The following SNED1 variants were observed in gnomAD, a reference collection of about 807,000 sequenced individuals.
The protein encoded by SNED1 is sushi, nidogen and EGF-like domain-containing protein 1.
SNED1 carries 81 observed loss-of-function variants against 166.7 expected under a neutral mutation model. The ratio of observed to expected loss-of-function variants is 0.49; its 90% confidence interval spans 0.41 to 0.58. SNED1 has a LOEUF of 0.58. Ranked by LOEUF, SNED1 falls within the 20% of genes least tolerant of loss-of-function variation. The pLI is 0.00. For synonymous variants in SNED1, 762 were observed against 822.0 expected (o/e 0.93, Z 1.25); for missense variants, 1,604 against 2,000.2 (o/e 0.80, Z 3.78).
chr2:241,071,396 AAGGGAACCC>A, intron 24 of SNED1, 171 bp from the exon 25 acceptor site: 1 of 671,418 alleles, frequency 1.5e-6, no homozygotes, highest in Non-Finnish European at 2.5e-6. Context: ...GGTGGGCTGG[AAGGGAACCC>A]AGGGCATCTG....
At position 241,064,774 on chromosome 2, in the gene SNED1, G is replaced by A. The variant is rs1202051407; in HGVS notation, c.2600-70G>A. 1.8e-6 allele frequency: 2 copies of A among 1,139,050 alleles called. No homozygotes were observed. The highest frequency in any genetic ancestry group is 2.5e-6 in the Non-Finnish European group (2 of 815,380). 70.6% of individuals were successfully genotyped at this position (1,139,050 alleles called of 1,614,324 possible). On this transcript the variant is annotated intron_variant, in intron 19 of 31. Coordinates refer to ENST00000310397, the MANE Select transcript of SNED1 (RefSeq NM_001080437.3). This position sits in a 1 kb window ranked among gnomAD's most constrained non-coding sequence, Gnocchi z 7.0. ...GCAGGAGGGACCCAGTGCCCCAGGA[G>A]CAAGGGCGGGGCTGGAGCAGGGACC...
In SNED1 at chr2:241,069,060, C is replaced by CTGGGGGG. The variant is rs1317385858; in HGVS notation, c.3307+37_3307+38insTGGGGGG. The CTGGGGGG allele has an allele frequency of 2.1e-6, 3 of 1,410,122 alleles. No homozygotes were observed. The highest frequency in any genetic ancestry group is 2.9e-6 in the Non-Finnish European group (3 of 1,028,628). The allele number at this position is 1,410,122 out of a possible 1,614,324, so 87.4% of individuals were successfully genotyped here. On this transcript the variant is annotated intron_variant, in intron 23 of 31. Transcript: ENST00000310397. The surrounding 1 kb of genome is among the most constrained non-coding windows in gnomAD (Gnocchi z 4.9). ...AGCGCGGCCCCCGGCACACGAAAGG[C>CTGGGGGG]CGTCTTCTAGAAGCTCTGGCTTCCT... is the stretch of plus-strand genomic sequence containing the variant.
At chr2:241,022,082 C>A (rs1269902137) in intron 1 of SNED1, among the ~76,000 whole-genome samples, 2 of 152,098 alleles carry the variant, frequency 1.3e-5, no homozygotes, top group Non-Finnish European at 2.9e-5. Context: ...CCTATTGAAG[C>A]TTTTATTATT....
In SNED1 at chr2:241,088,642, T is replaced by G. The variant is rs1387804538; in HGVS notation, c.*1+240T>G. ...ACACCTTCAGGTGGAAATGAGGCTC[T>G]CTGTGGATAGGGCAAATCCCACTCT... On this transcript the variant is annotated intron_variant, in intron 31 of 31. Transcript: ENST00000310397. The G allele has an allele frequency of 4.6e-5, 25 of 546,690 alleles. No homozygotes were observed. The East Asian group carries it at 7.2e-4, about 16-fold the overall frequency. 33.9% of individuals were successfully genotyped at this position (546,690 alleles called of 1,614,324 possible).
intron 8 of SNED1, 26 bp from the exon 9 acceptor site, chr2:241,048,289 G>T (rs775623529): frequency 1.9e-6 from 3 of 1,573,146 alleles, no homozygotes; most frequent in Non-Finnish European, 2.6e-6. Context: ...CTGCGTGGCC[G>T]CTGGTGACTG....
chr2:241,033,165 A>G (rs76841422), intron 2 of SNED1, among the ~76,000 whole-genome samples: 3,075 of 152,284 alleles, frequency 0.02, 102 homozygotes, highest in African/African-American at 0.064. Flanking sequence ...GTGTGGTGAA[A>G]GGCAGGACCC....
At chr2:241,089,298 G>A in intron 31 of SNED1, 2 of 1,549,636 alleles carry the variant, frequency 1.3e-6, no homozygotes, top group Non-Finnish European at 1.7e-6. Context: ...TCTTCCTGGT[G>A]GCGCAGATGA....
rs1158685346 is a variant in SNED1 at position 241,075,552 on chromosome 2, T to C, written c.3916+2188T>C. The C allele has an allele frequency of 1.3e-5, 2 of 152,146 alleles. No homozygotes were observed. The highest frequency in any genetic ancestry group is 4.8e-5 in the African/African-American group (2 of 41,446). 9.4% of individuals were successfully genotyped at this position (152,146 alleles called of 1,614,324 possible). A position where few individuals can be genotyped will look rare whatever the true frequency, so the allele number is the denominator to read the frequency against. On this transcript the variant is annotated intron_variant, in intron 27 of 31. Transcript: ENST00000310397. This position sits in a 1 kb window ranked among gnomAD's most constrained non-coding sequence, Gnocchi z 4.8. Reference sequence around the variant, plus strand: ...TCACGCCTTTTGACTTTATGTTGGGTTATTTGTACTCTTTTTATTCATTTG... The same window carrying C: ...TCACGCCTTTTGACTTTATGTTGGGCTATTTGTACTCTTTTTATTCATTTG...
rs3732228 is a variant in SNED1 at position 241,062,846 on chromosome 2, C to T, written c.2313C>T (p.Arg771=). Residue 771 remains arginine, a synonymous_variant, in exon 17 of 32, where the codon CGC becomes CGT. Transcript: ENST00000310397. ...PCLHGGSCQD[R]VAGYLCLCST... is the part of the protein sequence containing the mutation. ...TGCATGGGGGCTCTTGTCAGGACCG[C>T]GTTGCTGGGTACCTGTGCCTCTGCA... 58,310 of 1,611,536 alleles carry T rather than the reference C, an allele frequency of 0.036. 1,569 individuals are homozygous for T. Among genetic ancestry groups the T allele is most frequent in the East Asian group, 0.12 (5,335 of 44,836 alleles).
intron 1 of SNED1, among the ~76,000 whole-genome samples, chr2:241,009,180 C>T (rs2060310617): frequency 6.6e-6 from 1 of 152,204 alleles, no homozygotes; most frequent in Admixed American, 6.5e-5. Flanking sequence ...GTGACAGTGG[C>T]CCAGTGGCCA....
intron 8 of SNED1, among the ~76,000 whole-genome samples, chr2:241,042,651 A>G (rs1019840879): frequency 2.8e-5 from 4 of 143,588 alleles, no homozygotes; most frequent in Non-Finnish European, 4.7e-5. Flanking sequence ...TGTTGAGGGG[A>G]AAAAAACCTA....
At chr2:241,076,040 C>T (rs2063005066) in intron 27 of SNED1, among the ~76,000 whole-genome samples, 1 of 152,200 alleles carries the variant, frequency 6.6e-6, no homozygotes, top group Non-Finnish European at 1.5e-5. Flanking sequence ...CCTGTGTTCA[C>T]TCTAACTTTG....
chr2:241,086,096 AC>A (rs925479498), intron 29 of SNED1, among the ~76,000 whole-genome samples: 3 of 151,724 alleles, frequency 2.0e-5, no homozygotes, highest in African/African-American at 7.3e-5. Flanking sequence ...CAAACTCCTG[AC>A]CTCAAGTGAT....
chr2:241,070,067 C>G lies in SNED1; in HGVS notation c.3455C>G (p.Pro1152Arg). The G allele has an allele frequency of 6.2e-7, 1 of 1,613,112 alleles. No homozygotes were observed. The highest frequency in any genetic ancestry group is 8.5e-7 in the Non-Finnish European group (1 of 1,179,890). ...TSQSTKSRYVPNGKLASYTVR... is the reference protein window; with the variant it reads ...TSQSTKSRYVRNGKLASYTVR... ...CAGAGCACCAAGAGCCGCTATGTCC[C>G]CAACGGGAAGCTGGCGTCCTACACG... is the stretch of plus-strand genomic sequence containing the variant. Residue 1152 changes from proline (P) to arginine (R), a missense_variant, in exon 24 of 32, where the codon CCC becomes CGC. Physicochemically the swap from Pro to Arg is moderately radical, Grantham distance 103 (BLOSUM62 -2). This residue lies in a region of SNED1 where 367 missense variants were observed against 379.4 expected (regional missense o/e 0.97). Coordinates refer to ENST00000310397, the MANE Select transcript of SNED1 (RefSeq NM_001080437.3).
At chr2:241,063,219 G>A (rs2125179771) in intron 17 of SNED1, among the ~76,000 whole-genome samples, 1 of 152,340 alleles carries the variant, frequency 6.6e-6, no homozygotes, top group Middle Eastern at 3.4e-3. Context: ...AGGGAGGGGA[G>A]GCCTGCCCCA....
chr2:241,015,187 A>G (rs1406528690), intron 1 of SNED1, among the ~76,000 whole-genome samples: 1 of 152,258 alleles, frequency 6.6e-6, no homozygotes, highest in Non-Finnish European at 1.5e-5. Context: ...CATTGACTAT[A>G]CAGATCAATG....
chr2:241,086,256 C>A (rs984819491), intron 29 of SNED1, among the ~76,000 whole-genome samples: 4 of 152,206 alleles, frequency 2.6e-5, no homozygotes, highest in African/African-American at 9.7e-5. Context: ...TTCTTCTTTG[C>A]CTTGTGGGGA....
In SNED1 at chr2:241,064,550, C is replaced by T. The variant is rs2062360292; in HGVS notation, c.2600-294C>T. 6.6e-6 allele frequency among the ~76,000 whole-genome samples: 1 copy of T among 152,200 alleles called. No homozygotes were observed. The highest frequency in any genetic ancestry group is 1.5e-5 in the Non-Finnish European group (1 of 68,034). ...GAGGCTTCCCTGACCACTGACCTCC[C>T]CTCCTCAAGCAGGACTGTCACTGGG... On this transcript the variant is annotated intron_variant, in intron 19 of 31. Transcript: ENST00000310397. This position sits in a 1 kb window ranked among gnomAD's most constrained non-coding sequence, Gnocchi z 7.0.
At chr2:241,035,018 G>C (rs970973180) in intron 4 of SNED1, among the ~76,000 whole-genome samples, 11 of 152,148 alleles carry the variant, frequency 7.2e-5, no homozygotes, top group Non-Finnish European at 1.6e-4. Context: ...GTGGGTTGGA[G>C]GGAACCCTCT....
Sources: allele counts gnomAD v4.1 joint callset (sites outside exome capture counted in the v4.1 genomes callset), GRCh38; gene constraint gnomAD v4.1.1; regional missense constraint gnomAD v4.1.1; non-coding constraint Gnocchi (gnomAD v3.1); transcripts MANE v1.5; gene names NCBI Gene and HGNC (gene_info 2026-07-23, HGNC 2026-07-21).